Variants in KCNH8 observed in about 807,000 individuals in gnomAD.
The protein encoded by KCNH8 is potassium voltage-gated channel subfamily H member 8.
A neutral mutation model predicts 103.6 loss-of-function variants in KCNH8; 70 were observed. The observed-to-expected ratio is 0.68, with a 90% CI of 0.56 to 0.82. The LOEUF (loss-of-function observed/expected upper bound fraction) is 0.82. Among genes scored for constraint, KCNH8 ranks in the 40% least tolerant of loss-of-function variants. The pLI is 0.00. For missense variants in KCNH8, 1,217 were observed against 1,329.9 expected, an observed-to-expected ratio of 0.92 and a Z score of 1.32; for synonymous variants, 498 against 489.4, an observed-to-expected ratio of 1.02 and a Z score of -0.23.
intron 3 of KCNH8, among the ~76,000 whole-genome samples, chr3:19,342,139 T>C (rs777959955): frequency 2.0e-5 from 3 of 152,098 alleles, no homozygotes; most frequent in Non-Finnish European, 4.4e-5. Context: ...AGTATTTTAA[T>C]GTGAAAAAAG....
chr3:19,263,137 G>T (rs1406417458), intron 2 of KCNH8, among the ~76,000 whole-genome samples: 1 of 152,052 alleles, frequency 6.6e-6, no homozygotes, highest in East Asian at 1.9e-4. Context: ...TGGAAGCCAA[G>T]AGGACTAGAT....
chr3:19,351,619 T>C (rs1048220528), intron 5 of KCNH8, among the ~76,000 whole-genome samples: 10 of 152,214 alleles, frequency 6.6e-5, no homozygotes, highest in Admixed American at 2.6e-4. Context: ...CCCAGAATTT[T>C]ATATCCGGCC....
At chr3:19,247,091 A>G (rs1559441216) in intron 1 of KCNH8, among the ~76,000 whole-genome samples, 1 of 152,220 alleles carries the variant, frequency 6.6e-6, no homozygotes, top group Non-Finnish European at 1.5e-5. Context: ...AAAAAATCAA[A>G]CCATAAATGA....
intron 1 of KCNH8, among the ~76,000 whole-genome samples, chr3:19,236,092 T>TA (rs2064061164): frequency 6.6e-6 from 1 of 152,164 alleles, no homozygotes. Flanking sequence ...CTTAGACCTT[T>TA]AAATAGTATA....
intron 7 of KCNH8, among the ~76,000 whole-genome samples, chr3:19,401,720 A>C (rs1159139980): frequency 1.3e-5 from 2 of 151,996 alleles, no homozygotes; most frequent in African/African-American, 4.8e-5. Flanking sequence ...AAAATAGAGG[A>C]AGTAAAGTAT....
chr3:19,233,878 G>A (rs1376072450), intron 1 of KCNH8, among the ~76,000 whole-genome samples: 1 of 152,134 alleles, frequency 6.6e-6, no homozygotes, highest in East Asian at 1.9e-4. Flanking sequence ...CTGCTTTCTG[G>A]TGGGTTCGTG....
At chr3:19,149,566 A>G (rs2063109012) in intron 1 of KCNH8, among the ~76,000 whole-genome samples, 1 of 152,114 alleles carries the variant, frequency 6.6e-6, no homozygotes, top group Admixed American at 6.5e-5. Context: ...ATCATCTGCA[A>G]GTTGTTCTCT....
At chr3:19,376,849 C>G (rs925501954) in intron 5 of KCNH8, among the ~76,000 whole-genome samples, 6 of 152,140 alleles carry the variant, frequency 3.9e-5, no homozygotes, top group African/African-American at 1.2e-4. Flanking sequence ...CTCTCATTCC[C>G]CTTTTTGGGA....
At position 19,170,806 on chromosome 3, in the gene KCNH8, A is replaced by T. The variant is rs1256833881; in HGVS notation, c.76+22011A>T. Among the ~76,000 whole-genome samples, 893 of 103,332 alleles carry T rather than the reference A, an allele frequency of 8.6e-3. 65 individuals carry two copies. The highest frequency in any genetic ancestry group is 0.041 in the African/African-American group (837 of 20,608). The allele number at this position is 103,332 out of a possible 152,430, so 67.8% of individuals were successfully genotyped here. A position where few individuals can be genotyped will look rare whatever the true frequency, so the allele number is the denominator to read the frequency against. ...CACACACACATATATATATATATAT[A>T]TATATTTTTTTTTTTTTTTTTGAGA... On this transcript the variant is annotated intron_variant, in intron 1 of 15. Transcript: ENST00000328405.
At chr3:19,153,598 TTTTTCTTTTTCTTTTC>T (rs900951294) in intron 1 of KCNH8, among the ~76,000 whole-genome samples, 2 of 151,858 alleles carry the variant, frequency 1.3e-5, no homozygotes, top group Non-Finnish European at 2.9e-5. Context: ...ATCATTTTTC[TTTTTCTTTTTCTTTTC>T]TTTTCTTTTC....
intron 5 of KCNH8, among the ~76,000 whole-genome samples, chr3:19,351,769 C>A (rs2065805904): frequency 1.3e-5 from 2 of 152,130 alleles, no homozygotes; most frequent in South Asian, 4.1e-4. Flanking sequence ...CCGGTACCAG[C>A]CACTGCAAAA....
At chr3:19,225,592 C>T (rs1319144649) in intron 1 of KCNH8, among the ~76,000 whole-genome samples, 1 of 151,914 alleles carries the variant, frequency 6.6e-6, no homozygotes, top group Non-Finnish European at 1.5e-5. Context: ...ATATATTTGC[C>T]CTTCATATAA....
At chr3:19,328,293 T>C (rs1018338308) in intron 3 of KCNH8, among the ~76,000 whole-genome samples, 1 of 152,166 alleles carries the variant, frequency 6.6e-6, no homozygotes, top group African/African-American at 2.4e-5. Flanking sequence ...TAAATCCATA[T>C]GAAATTTTTT....
chr3:19,428,961 A>C (rs1371403462), intron 7 of KCNH8, among the ~76,000 whole-genome samples: 1 of 151,996 alleles, frequency 6.6e-6, no homozygotes, highest in African/African-American at 2.4e-5. Flanking sequence ...TTTCAAAATG[A>C]CTGTGCCCCC....
At chr3:19,401,186 A>G (rs1226050917) in intron 7 of KCNH8, among the ~76,000 whole-genome samples, 1 of 151,934 alleles carries the variant, frequency 6.6e-6, no homozygotes, top group African/African-American at 2.4e-5. Context: ...CTCCTTTTTT[A>G]AACAAACTCC....
At chr3:19,181,535 A>C (rs2063453039) in intron 1 of KCNH8, among the ~76,000 whole-genome samples, 1 of 152,192 alleles carries the variant, frequency 6.6e-6, no homozygotes, top group African/African-American at 2.4e-5. Flanking sequence ...ATAAAAAGGA[A>C]AACAGATATT....
intron 5 of KCNH8, among the ~76,000 whole-genome samples, chr3:19,370,119 G>C (rs760982311): frequency 2.6e-5 from 4 of 151,936 alleles, no homozygotes; most frequent in Non-Finnish European, 4.4e-5. Flanking sequence ...TAATCCTTTA[G>C]GATATAGTTC....
intron 1 of KCNH8, among the ~76,000 whole-genome samples, chr3:19,251,183 T>C (rs759450937): frequency 6.6e-6 from 1 of 152,136 alleles, no homozygotes; most frequent in Non-Finnish European, 1.5e-5. Context: ...GGTTTATGAC[T>C]ATGCGATCGT....
chr3:19,503,355 T>C (rs569078289), intron 11 of KCNH8, among the ~76,000 whole-genome samples: 12 of 152,298 alleles, frequency 7.9e-5, no homozygotes, highest in East Asian at 1.9e-4. Flanking sequence ...TCAACCATTG[T>C]GGAAGTCAGT....
Sources: allele counts gnomAD v4.1 joint callset (sites outside exome capture counted in the v4.1 genomes callset), GRCh38; gene constraint gnomAD v4.1.1; transcripts MANE v1.5; gene names NCBI Gene and HGNC (gene_info 2026-07-23, HGNC 2026-07-21).